ASAP1: variants seen among roughly 807,000 people sequenced by gnomAD.
The protein encoded by ASAP1 is ArfGAP with SH3 domain, ankyrin repeat and PH domain 1.
A neutral mutation model predicts 145.2 loss-of-function variants in ASAP1; 43 were observed. The observed-to-expected ratio is 0.30, with a 90% CI of 0.23 to 0.38. ASAP1 has a LOEUF of 0.38. ASAP1 is among the 10% of genes least tolerant of loss of function. The pLI, the probability that ASAP1 is intolerant of heterozygous loss-of-function variation, is 1.00. For synonymous variants in ASAP1, 546 were observed against 515.5 expected (o/e 1.06, Z -0.80); for missense variants, 1,018 against 1,355.3 (o/e 0.75, Z 3.91).
chr8:130,065,069 CA>C (rs1221803695), intron 27 of ASAP1, among the ~76,000 whole-genome samples: 3 of 152,036 alleles, frequency 2.0e-5, no homozygotes, highest in African/African-American at 7.2e-5. Flanking sequence ...TCTGTAGACA[CA>C]AGGTCTCATT....
Position 130,214,548 on chromosome 8 carries a change from T to C in ASAP1, c.405+8A>G, listed in dbSNP as rs748787358. On this transcript the variant is annotated splice_region_variant and intron_variant, in intron 5 of 29. Transcript: ENST00000518721. ...TAATTCTTTTTACTCACATATGAAA[T>C]GTCTTACCAGATTTTTCAGCAGTGT... 1.0e-5 allele frequency: 16 copies of C among 1,587,900 alleles called. No individual in the cohort carries two copies. The highest frequency in any genetic ancestry group is 1.3e-5 in the Non-Finnish European group (15 of 1,170,780).
chr8:130,091,942 C>T, intron 25 of ASAP1, 31 bp downstream of exon 25: 1 of 1,492,508 alleles, frequency 6.7e-7, no homozygotes, highest in Non-Finnish European at 8.9e-7. Context: ...CTGGCCCCAG[C>T]AGCTTTGGCC....
chr8:130,217,297 A>G (rs750117630), intron 4 of ASAP1, among the ~76,000 whole-genome samples: 5 of 151,966 alleles, frequency 3.3e-5, no homozygotes, highest in Non-Finnish European at 5.9e-5. Flanking sequence ...TATCAAAGTC[A>G]TATCTTTTTT....
intron 2 of ASAP1, among the ~76,000 whole-genome samples, chr8:130,397,017 T>C (rs943702941): frequency 6.6e-6 from 1 of 152,328 alleles, no homozygotes; most frequent in African/African-American, 2.4e-5. Context: ...GTATTTGGGG[T>C]GAATAAAGGA....
chr8:130,290,317 T>C (rs1239273423), intron 3 of ASAP1, among the ~76,000 whole-genome samples: 2 of 152,226 alleles, frequency 1.3e-5, no homozygotes, highest in Admixed American at 6.5e-5. Context: ...AGGGCAGGGA[T>C]GGTTCAGGTG....
At chr8:130,322,918 C>T (rs114585222) in intron 3 of ASAP1, among the ~76,000 whole-genome samples, 2,586 of 152,274 alleles carry the variant, frequency 0.017, 36 homozygotes, top group East Asian at 0.053. Flanking sequence ...GTCCATGTGT[C>T]GGATGGAACT....
intron 3 of ASAP1, among the ~76,000 whole-genome samples, chr8:130,346,187 G>A (rs1423020369): frequency 1.3e-5 from 2 of 152,216 alleles, no homozygotes; most frequent in Non-Finnish European, 2.9e-5. Context: ...TAAAAAGTGA[G>A]GGGGGATGTC....
chr8:130,229,899 A>G (rs1817807376), intron 4 of ASAP1, among the ~76,000 whole-genome samples: 1 of 152,062 alleles, frequency 6.6e-6, no homozygotes, highest in South Asian at 2.1e-4. Flanking sequence ...TCCCTCCCAC[A>G]CACAAAACAA....
rs552252582 is a variant in ASAP1 at position 130,058,936 on chromosome 8, C to T, written c.3193-860G>A. On this transcript the variant is annotated intron_variant, in intron 28 of 29. Coordinates refer to ENST00000518721, the MANE Select transcript of ASAP1 (RefSeq NM_018482.4). The stretch of plus-strand genomic sequence containing the variant: ...AGTGACTGCGTGAGCAACTGAGAGG[C>T]CTGTAGTGTGTTAATTTATAACACA... Among the ~76,000 whole-genome samples, 315 of 152,220 alleles carry T rather than the reference C, an allele frequency of 2.1e-3. 1 individual carries two copies. The highest frequency in any genetic ancestry group is 3.6e-3 in the Non-Finnish European group (245 of 68,008).
intron 20 of ASAP1, among the ~76,000 whole-genome samples, chr8:130,117,439 G>A (rs1218535273): frequency 6.6e-6 from 1 of 152,208 alleles, no homozygotes; most frequent in East Asian, 1.9e-4. Flanking sequence ...CTCTGAGGAA[G>A]AAACCTGGAC....
rs373195103 is a variant in ASAP1 at position 130,267,053 on chromosome 8, G to GTCA, written c.187-30062_187-30060dup. On this transcript the variant is annotated intron_variant, in intron 3 of 29. Coordinates refer to ENST00000518721, the MANE Select transcript of ASAP1 (RefSeq NM_018482.4). ...CACCCACCCCCTCAAAAAAAAAGTAGTCATTAAGAGGACAAAGAAGTAGTA... is the reference window on the plus strand; with the variant it reads ...CACCCACCCCCTCAAAAAAAAAGTAGTCATCATTAAGAGGACAAAGAAGTAGTA... Among the ~76,000 whole-genome samples the GTCA allele has an allele frequency of 3.6e-3, 534 of 147,818 alleles. 1 individual carries two copies. The highest frequency in any genetic ancestry group is 0.013 in the African/African-American group (516 of 40,722).
chr8:130,267,915 G>A (rs746383215), intron 3 of ASAP1, among the ~76,000 whole-genome samples: 1 of 152,130 alleles, frequency 6.6e-6, no homozygotes, highest in Non-Finnish European at 1.5e-5. Context: ...CTAAAACCAT[G>A]AACCTTCTTT....
intron 2 of ASAP1, among the ~76,000 whole-genome samples, chr8:130,393,965 T>C (rs1828401909): frequency 6.6e-6 from 1 of 152,266 alleles, no homozygotes; most frequent in Non-Finnish European, 1.5e-5. Context: ...TGATTTCCTA[T>C]GCCTGTCTTT....
intron 15 of ASAP1, among the ~76,000 whole-genome samples, chr8:130,128,488 G>A (rs1367239676): frequency 1.3e-5 from 2 of 152,100 alleles, no homozygotes; most frequent in Non-Finnish European, 2.9e-5. Flanking sequence ...GAAATGATGA[G>A]AAATGGAGAG....
chr8:130,269,376 A>C (rs1820455298), intron 3 of ASAP1, among the ~76,000 whole-genome samples: 1 of 152,236 alleles, frequency 6.6e-6, no homozygotes, highest in African/African-American at 2.4e-5. Context: ...CTGTACCTCT[A>C]GCTCGAAGGA....
chr8:130,218,122 T>C (rs1258958063), intron 4 of ASAP1, among the ~76,000 whole-genome samples: 1 of 151,978 alleles, frequency 6.6e-6, no homozygotes, highest in Non-Finnish European at 1.5e-5. Flanking sequence ...ACAGGTTTCA[T>C]CTCCCTCATG....
intron 5 of ASAP1, among the ~76,000 whole-genome samples, chr8:130,205,218 G>A (rs1031469801): frequency 1.3e-5 from 2 of 151,892 alleles, no homozygotes; most frequent in East Asian, 1.9e-4. Context: ...TATACCAAAT[G>A]TAAGTGAAAT....
intron 1 of ASAP1, among the ~76,000 whole-genome samples, chr8:130,422,202 T>C (rs796222908): frequency 3.9e-5 from 6 of 152,058 alleles, no homozygotes; most frequent in African/African-American, 1.4e-4. Context: ...CTGAGGGGGA[T>C]GGGCACATCT....
intron 28 of ASAP1, 75 bp downstream of exon 28, chr8:130,060,504 T>G: frequency 2.0e-6 from 3 of 1,513,278 alleles, no homozygotes; most frequent in South Asian, 2.7e-5. Flanking sequence ...TTGTGTAAGT[T>G]GGAGCACCTG....
Sources: allele counts gnomAD v4.1 joint callset (sites outside exome capture counted in the v4.1 genomes callset), GRCh38; gene constraint gnomAD v4.1.1; transcripts MANE v1.5; gene names NCBI Gene and HGNC (gene_info 2026-07-23, HGNC 2026-07-21).